FOXN3: variants seen among roughly 807,000 people sequenced by gnomAD.
The protein encoded by FOXN3 is forkhead box protein N3.
FOXN3 carries 7 observed loss-of-function variants against 38.4 expected under a neutral mutation model. The observed-to-expected ratio is 0.18, with a 90% confidence interval of 0.10 to 0.34. The LOEUF is 0.34. Ranked by LOEUF, FOXN3 falls within the 10% of genes least tolerant of loss-of-function variation. FOXN3 has a pLI of 1.00. For missense variants in FOXN3, 456 were observed against 613.4 expected, an observed-to-expected ratio of 0.74 and a Z score of 2.71; for synonymous variants, 230 against 242.2, an observed-to-expected ratio of 0.95 and a Z score of 0.47.
intron 3 of FOXN3, among the ~76,000 whole-genome samples, chr14:89,306,857 C>T (rs1887394203): frequency 6.6e-6 from 1 of 152,150 alleles, no homozygotes; most frequent in African/African-American, 2.4e-5. Flanking sequence ...TATTTCTTGA[C>T]AAGTGAAAAT....
At chr14:89,498,210 C>CTTTTTTTTTTTTTT (rs547081117) in intron 1 of FOXN3, among the ~76,000 whole-genome samples, 1 of 81,072 alleles carries the variant, frequency 1.2e-5, no homozygotes, top group Non-Finnish European at 2.2e-5. Flanking sequence ...CTCTCTCTCT[C>CTTTTTTTTTTTTTT]TTTTTTTTTT....
intron 1 of FOXN3, among the ~76,000 whole-genome samples, chr14:89,467,191 A>C (rs1216034474): frequency 6.6e-6 from 1 of 152,126 alleles, no homozygotes; most frequent in Non-Finnish European, 1.5e-5. Context: ...TAGGGAAGAA[A>C]GTGAGGGCTG....
intron 3 of FOXN3, among the ~76,000 whole-genome samples, chr14:89,308,541 T>C (rs1324280702): frequency 1.3e-5 from 2 of 152,146 alleles, no homozygotes; most frequent in African/African-American, 4.8e-5. Context: ...TTGCGGGTCT[T>C]TGGGAGCTCC....
chr14:89,591,684 G>C (rs555144668), intron 1 of FOXN3, among the ~76,000 whole-genome samples: 2 of 152,206 alleles, frequency 1.3e-5, no homozygotes, highest in African/African-American at 4.8e-5. Flanking sequence ...AAGAACTTTG[G>C]GGGGTTGAAG....
chr14:89,290,256 A>T, intron 3 of FOXN3: 1 of 318,502 alleles, frequency 3.1e-6, no homozygotes. Flanking sequence ...GGGACAGGAA[A>T]TTCTCTGTCA....
At chr14:89,224,777 T>G (rs1884579284) in intron 4 of FOXN3, among the ~76,000 whole-genome samples, 1 of 152,094 alleles carries the variant, frequency 6.6e-6, no homozygotes, top group South Asian at 2.1e-4. Flanking sequence ...GACAGGAGGA[T>G]TGCTTGAGGC....
At chr14:89,237,482 A>G (rs1316706000) in intron 4 of FOXN3, among the ~76,000 whole-genome samples, 1 of 152,194 alleles carries the variant, frequency 6.6e-6, no homozygotes, top group African/African-American at 2.4e-5. Flanking sequence ...TGTATTCCGA[A>G]GCATTTATCA....
intron 1 of FOXN3, among the ~76,000 whole-genome samples, chr14:89,522,692 T>C (rs910105021): frequency 9.2e-5 from 14 of 151,756 alleles, no homozygotes; most frequent in African/African-American, 2.9e-4. Flanking sequence ...TGAAGATGCA[T>C]ATAAGTGTAA....
chr14:89,190,304 T>G, intron 4 of FOXN3: 2 of 1,081,994 alleles, frequency 1.8e-6, no homozygotes, highest in South Asian at 2.8e-5. Context: ...TAGCATTAGT[T>G]CTTCCTATGA....
intron 1 of FOXN3, 114 bp downstream of exon 1, chr14:89,416,757 C>T (rs1302130968): frequency 6.6e-6 from 1 of 152,186 alleles, no homozygotes; most frequent in African/African-American, 2.4e-5. Context: ...CCTGCGGGGT[C>T]CCTCGTCTTC....
At chr14:89,455,483 A>G (rs573810976) in intron 1 of FOXN3, among the ~76,000 whole-genome samples, 108 of 152,292 alleles carry the variant, frequency 7.1e-4, no homozygotes, top group African/African-American at 2.6e-3. Flanking sequence ...GAGATGTTAA[A>G]CTTGCTTCAA....
intron 5 of FOXN3, among the ~76,000 whole-genome samples, chr14:89,165,158 C>T (rs532179123): frequency 2.0e-5 from 3 of 152,310 alleles, no homozygotes; most frequent in Admixed American, 6.5e-5. Context: ...TCCTGTGCTC[C>T]GTGATCCCAG....
intron 3 of FOXN3, among the ~76,000 whole-genome samples, chr14:89,338,426 T>A (rs1186324755): frequency 6.6e-6 from 1 of 152,128 alleles, no homozygotes; most frequent in Non-Finnish European, 1.5e-5. Flanking sequence ...AGATCTTAAA[T>A]CTAGGGGAAA....
chr14:89,220,426 C>T (rs1331939342), intron 4 of FOXN3, among the ~76,000 whole-genome samples: 1 of 152,186 alleles, frequency 6.6e-6, no homozygotes, highest in Non-Finnish European at 1.5e-5. Context: ...AATAGTGCTG[C>T]ACCATCTTCA....
At chr14:89,581,286 A>G (rs1026296776) in intron 1 of FOXN3, among the ~76,000 whole-genome samples, 3 of 152,032 alleles carry the variant, frequency 2.0e-5, no homozygotes, top group African/African-American at 7.2e-5. Flanking sequence ...GTTTGAGACC[A>G]GCCTGGCCAA....
intron 3 of FOXN3, among the ~76,000 whole-genome samples, chr14:89,321,954 T>C (rs1234817899): frequency 6.6e-6 from 1 of 152,252 alleles, no homozygotes; most frequent in Non-Finnish European, 1.5e-5. Context: ...AATTATTTCC[T>C]GAACAAAAGC....
intron 1 of FOXN3, among the ~76,000 whole-genome samples, chr14:89,491,170 T>C (rs1893566514): frequency 6.6e-6 from 1 of 151,904 alleles, no homozygotes; most frequent in South Asian, 2.1e-4. Context: ...GAGACGGGGT[T>C]TTTCCACATT....
At chr14:89,512,797 G>T (rs1425335719) in intron 1 of FOXN3, among the ~76,000 whole-genome samples, 1 of 152,210 alleles carries the variant, frequency 6.6e-6, no homozygotes, top group Non-Finnish European at 1.5e-5. Flanking sequence ...AGTACTGTCA[G>T]GTGGTGTGGG....
Position 89,157,583 on chromosome 14 carries a change from C to G in FOXN3, c.*4831G>C, listed in dbSNP as rs1429988355. 6.6e-6 allele frequency: 1 copy of G among 152,538 alleles called. No individual in the cohort carries two copies. The highest frequency in any genetic ancestry group is 1.9e-4 in the East Asian group (1 of 5,202). The allele number at this position is 152,538 out of a possible 1,614,324, so 9.4% of individuals were successfully genotyped here. On this transcript the variant is annotated 3_prime_UTR_variant, in exon 6 of 6. Transcript: ENST00000557258. ...ACAGGAACACCACACAATGTATATA[C>G]TTTGATTTACACATTCCGTTACAAA...
Sources: allele counts gnomAD v4.1 joint callset (sites outside exome capture counted in the v4.1 genomes callset), GRCh38; gene constraint gnomAD v4.1.1; transcripts MANE v1.5; gene names NCBI Gene and HGNC (gene_info 2026-07-23, HGNC 2026-07-21).